The following COL4A3 variants were observed in gnomAD, a reference collection of about 807,000 sequenced individuals.
COL4A3 encodes collagen type IV alpha 3 chain, also known as collagen alpha-3(IV) chain.
COL4A3 carries 135 observed loss-of-function variants against 217.4 expected under a neutral mutation model. The observed-to-expected ratio is 0.62, with a 90% CI of 0.54 to 0.72. The LOEUF is 0.72. COL4A3 is among the 30% of genes least tolerant of loss of function. The pLI, the probability that COL4A3 is intolerant of heterozygous loss-of-function variation, is 0.00. For synonymous variants in COL4A3, 690 were observed against 736.3 expected (o/e 0.94, Z 1.02); for missense variants, 1,868 against 2,119.9 (o/e 0.88, Z 2.33).
chr2:227,309,270 A>T lies in COL4A3; in HGVS notation c.4707A>T (p.Pro1569=), dbSNP rs113401495. The T allele has an allele frequency of 6.3e-4, 1,013 of 1,614,142 alleles. 6 individuals are homozygous for T. In the African/African-American group the frequency reaches 0.012, roughly 19 times the overall value. ...ACAGCCAAACCACTGACATTCCTCC[A>T]TGTCCTCACGGCTGGATTTCTCTCT... The part of the protein sequence containing the change: ...AVHSQTTDIP[P]CPHGWISLWK... The change falls in exon 50 of 52, where the codon CCA becomes CCT. Residue 1569 remains proline (P), a synonymous_variant. Coordinates refer to ENST00000396578, the MANE Select transcript of COL4A3 (RefSeq NM_000091.5).
intron 1 of COL4A3, among the ~76,000 whole-genome samples, chr2:227,208,765 T>TACACACACACACAC (rs60244094): frequency 7.0e-4 from 97 of 138,596 alleles, no homozygotes; most frequent in African/African-American, 2.4e-3. Flanking sequence ...GGCGGTTGGT[T>TACACACACACACAC]ACACACACAC....
intron 5 of COL4A3, among the ~76,000 whole-genome samples, chr2:227,245,245 C>T (rs1372921907): frequency 6.6e-6 from 1 of 151,428 alleles, no homozygotes; most frequent in East Asian, 1.9e-4. Flanking sequence ...GTAAGTCGGC[C>T]CTCCATATCC....
At chr2:227,310,616 G>A (rs1288191956) in intron 50 of COL4A3, among the ~76,000 whole-genome samples, 160 bp from the exon 51 acceptor site, 1 of 152,132 alleles carries the variant, frequency 6.6e-6, no homozygotes, top group Non-Finnish European at 1.5e-5. Context: ...CACTGCGCCT[G>A]GCCACATAGG....
intron 37 of COL4A3, among the ~76,000 whole-genome samples, chr2:227,291,593 CAAAAAAAAA>C (rs869124557): frequency 6.3e-5 from 3 of 47,994 alleles, no homozygotes; most frequent in Non-Finnish European, 1.7e-4. Flanking sequence ...AAAAAAAAAA[CAAAAAAAAA>C]AACACTTGTC....
chr2:227,307,890 G>A lies in COL4A3; in HGVS notation c.4433G>A (p.Gly1478Glu). 1 of 1,614,108 alleles carries A rather than the reference G, an allele frequency of 6.2e-7. No individual in the cohort carries two copies. The highest frequency in any genetic ancestry group is 8.5e-7 in the Non-Finnish European group (1 of 1,180,020). The change falls in exon 48 of 52, where the codon GGA becomes GAA. Residue 1478 changes from glycine to glutamate, a missense_variant. Physicochemically the swap from Gly to Glu is moderately conservative, Grantham distance 98. This residue lies in a region of COL4A3 where 1,503 missense variants were observed against 1,786.1 expected (regional missense o/e 0.84). Transcript: ENST00000396578. ...GGGTTTTCTTTTCTTTTTGTACAAG[G>A]AAATCAACGAGCCCACGGACAAGAC... ...YSGFSFLFVQ[G>E]NQRAHGQDLG...
In COL4A3 at chr2:227,297,981, C is replaced by T. The variant is rs115366330; in HGVS notation, c.3751+122C>T. 2.1e-3 allele frequency: 2,318 copies of T among 1,124,484 alleles called. 25 individuals are homozygous for T. In the African/African-American group the frequency reaches 0.033, roughly 16 times the overall value. The allele number at this position is 1,124,484 out of a possible 1,614,324, so 69.7% of individuals were successfully genotyped here. ...TTTCCCTGTGGTCATCTCCATTCCC[C>T]CACTACCTGTGGTTCCCATACCCAG... On this transcript the variant is annotated intron_variant, in intron 42 of 51. Coordinates refer to ENST00000396578, the MANE Select transcript of COL4A3 (RefSeq NM_000091.5).
At chr2:227,256,249 C>A in intron 16 of COL4A3, 94 bp from the exon 17 acceptor site, 1 of 1,226,950 alleles carries the variant, frequency 8.2e-7, no homozygotes, top group Non-Finnish European at 1.2e-6. Flanking sequence ...TGAGCACATT[C>A]TTTTGTTTCA....
chr2:227,261,668 T>C (rs1030540603), intron 20 of COL4A3, among the ~76,000 whole-genome samples: 1 of 152,218 alleles, frequency 6.6e-6, no homozygotes, highest in Non-Finnish European at 1.5e-5. Context: ...AAAAGCTTTA[T>C]TGTCCGGGAT....
chr2:227,254,298 C>T lies in COL4A3; in HGVS notation c.828+124C>T, dbSNP rs11686742. ...AGAAAGTAAAGGAATAAAAGAATGG[C>T]TACTCCACAGGCAGAGCAGCTATTG... On this transcript the variant is annotated intron_variant, in intron 14 of 51. Coordinates refer to ENST00000396578, the MANE Select transcript of COL4A3 (RefSeq NM_000091.5). 22 of 829,488 alleles carry T rather than the reference C, an allele frequency of 2.7e-5. No homozygotes were observed. In the East Asian group the frequency reaches 5.5e-4, roughly 21 times the overall value. The allele number at this position is 829,488 out of a possible 1,614,324, so 51.4% of individuals were successfully genotyped here.
intron 1 of COL4A3, among the ~76,000 whole-genome samples, chr2:227,230,399 G>C (rs1322924228): frequency 6.6e-6 from 1 of 152,132 alleles, no homozygotes; most frequent in African/African-American, 2.4e-5. Context: ...CATGACAAAT[G>C]ATTTTGTATT....
rs1190790049 is a variant in COL4A3, at chr2:227,294,987, C to G, written c.3442C>G (p.Pro1148Ala). The G allele has an allele frequency of 1.9e-6, 3 of 1,608,960 alleles. No individual in the cohort carries two copies. Among genetic ancestry groups the G allele is most frequent in the Non-Finnish European group, 2.5e-6 (3 of 1,177,108 alleles). The change falls in exon 40 of 52, where the codon CCT becomes GCT. Residue 1148 changes from proline to alanine, a missense_variant. Pro to Ala is a conservative substitution (Grantham distance 27). Around this residue, in one of 2 missense-constraint regions of COL4A3, gnomAD observed 1,503 missense variants for 1,786.1 expected, o/e 0.84. Transcript: ENST00000396578. ...AGGTCTTCCAGGATTTCCAGGATCT[C>G]CTGGACCAATGGGTATAAGAGGTGA... Reference protein sequence around the residue: ...PPGLPGFPGSPGPMGIRGDQG... With the variant: ...PPGLPGFPGSAGPMGIRGDQG...
Position 227,240,147 on chromosome 2 carries a change from A to C in COL4A3, c.149A>C (p.Glu50Ala). 1.2e-6 allele frequency: 2 copies of C among 1,607,114 alleles called. No individual in the cohort carries two copies. Among genetic ancestry groups the C allele is most frequent in the Non-Finnish European group, 1.7e-6 (2 of 1,176,882 alleles). The change falls in exon 3 of 52, where the codon GAG (glutamate) becomes GCG (alanine). Residue 50 changes from glutamate (E) to alanine (A), a missense_variant. By Grantham distance (107) the Glu-to-Ala change is moderately radical (BLOSUM62 -1). Transcript: ENST00000396578. Reference protein sequence around the residue: ...FCDGAKGEKGEKGFPGPPGSP... With the variant: ...FCDGAKGEKGAKGFPGPPGSP... ...ACCTCGTTTTGGTTTTAACAGGGGG[A>C]GAAGGGCTTTCCTGGACCCCCCGGT...
At chr2:227,297,942 C>T in intron 42 of COL4A3, 83 bp downstream of exon 42, 1 of 1,413,316 alleles carries the variant, frequency 7.1e-7, no homozygotes, top group Non-Finnish European at 9.8e-7. Context: ...CTCATGTTAC[C>T]TTGTTGCTTC....
chr2:227,241,685 C>CAT (rs55737107), intron 3 of COL4A3, among the ~76,000 whole-genome samples: 117,940 of 151,566 alleles, frequency 0.78, 46,539 homozygotes, highest in East Asian at 0.91. Flanking sequence ...AAAATATATA[C>CAT]GTGTGTGTAT....
intron 1 of COL4A3, among the ~76,000 whole-genome samples, chr2:227,226,820 T>C (rs906681677): frequency 6.6e-6 from 1 of 152,198 alleles, no homozygotes; most frequent in African/African-American, 2.4e-5. Context: ...AAAAATATAA[T>C]GAAGATAATT....
intron 1 of COL4A3, among the ~76,000 whole-genome samples, chr2:227,204,508 A>G (rs1305351981): frequency 6.6e-6 from 1 of 152,172 alleles, no homozygotes; most frequent in African/African-American, 2.4e-5. Context: ...AGACTCCACC[A>G]TATACGAAGG....
rs200614219 is a variant in COL4A3, at chr2:227,288,951, G to GTT, written c.2882-183_2882-182dup. 0.083 allele frequency among the ~76,000 whole-genome samples: 11,016 copies of GTT among 133,270 alleles called. 647 individuals carry two copies. Among genetic ancestry groups the GTT allele is most frequent in the African/African-American group, 0.15 (5,168 of 35,604 alleles). 87.4% of individuals were successfully genotyped at this position (133,270 alleles called of 152,430 possible). A position where few individuals can be genotyped will look rare whatever the true frequency, so the allele number is the denominator to read the frequency against. ...TTTGATGCCTGGTTTTTTGTTTTGG[G>GTT]TTTTTTTTTTTTTTTTTGAGATGGA... On this transcript the variant is annotated intron_variant, in intron 34 of 51. Coordinates refer to ENST00000396578, the MANE Select transcript of COL4A3 (RefSeq NM_000091.5).
Position 227,297,941 on chromosome 2 carries a change from C to T in COL4A3, c.3751+82C>T. The T allele has an allele frequency of 4.9e-6, 7 of 1,422,006 alleles. No individual in the cohort carries two copies. The South Asian group carries it at 7.4e-5, about 15-fold the overall frequency. 88.1% of individuals were successfully genotyped at this position (1,422,006 alleles called of 1,614,324 possible). On this transcript the variant is annotated intron_variant, in intron 42 of 51. Transcript: ENST00000396578. ...AGTTTTCAACCTCCTCCTCATGTTA[C>T]CTTGTTGCTTCTTCTTTCCCTGTGG...
chr2:227,311,763 T>C (rs1247836086), intron 51 of COL4A3, 23 bp from the exon 52 acceptor site: 2 of 1,608,438 alleles, frequency 1.2e-6, no homozygotes, highest in South Asian at 2.2e-5. Flanking sequence ...TAAATGAATT[T>C]TTTTGGTTTG....
Sources: allele counts gnomAD v4.1 joint callset (sites outside exome capture counted in the v4.1 genomes callset), GRCh38; gene constraint gnomAD v4.1.1; regional missense constraint gnomAD v4.1.1; transcripts MANE v1.5; gene names NCBI Gene and HGNC (gene_info 2026-07-23, HGNC 2026-07-21).